Variants in HYKK observed in about 807,000 individuals in gnomAD.
HYKK encodes the protein 5-hydroxy-L-lysine kinase.
Under a neutral mutation model 29.7 loss-of-function variants are expected in HYKK, and 19 were observed. That is an observed-to-expected ratio of 0.64 (90% CI 0.45 to 0.94). The LOEUF (loss-of-function observed/expected upper bound fraction) is 0.94, where lower values mean the gene tolerates loss of function less well. Among genes scored for constraint, HYKK ranks in the 40% least tolerant of loss-of-function variants. The probability of loss-of-function intolerance (pLI) is 0.00; values close to 1 mark genes in which losing one functional copy is unlikely to be tolerated. For missense variants in HYKK, 390 were observed against 443.4 expected (o/e 0.88, Z 1.08); for synonymous variants, 152 against 158.1 (o/e 0.96, Z 0.29).
In HYKK at chr15:78,510,747, C is replaced by G. The variant is rs530663840; in HGVS notation, c.-5-2337C>G. Among the ~76,000 whole-genome samples, 276 of 152,228 alleles carry G rather than the reference C, an allele frequency of 1.8e-3. 6 individuals are homozygous for G. The South Asian group carries it at 0.035, about 19-fold the overall frequency. ...AGCCAATTTCTCAGAAGCGCTCTTT[C>G]TTTTTTAGAGGTAAATTTTACATTC... On this transcript the variant is annotated intron_variant, in intron 1 of 4. Transcript: ENST00000388988.
chr15:78,512,684 G>A (rs1019806478), intron 1 of HYKK, among the ~76,000 whole-genome samples: 3 of 151,984 alleles, frequency 2.0e-5, no homozygotes, highest in Admixed American at 6.6e-5. Context: ...TTACAGGCTC[G>A]AGCCACCACG....
chr15:78,519,327 CA>C (rs770272889), intron 3 of HYKK, among the ~76,000 whole-genome samples: 43 of 152,316 alleles, frequency 2.8e-4, no homozygotes, highest in Non-Finnish European at 5.1e-4. Flanking sequence ...AAATAGTTTT[CA>C]AGTAAGTTTG....
intron 3 of HYKK, among the ~76,000 whole-genome samples, chr15:78,517,059 C>T (rs2052141587): frequency 7.7e-6 from 1 of 130,356 alleles, no homozygotes. Context: ...CATTGCTCCA[C>T]TTCTTGCTTG....
At chr15:78,524,073 C>T (rs1030842635) in intron 3 of HYKK, among the ~76,000 whole-genome samples, 2 of 152,240 alleles carry the variant, frequency 1.3e-5, no homozygotes, top group African/African-American at 2.4e-5. Context: ...CTCACAGCTT[C>T]ACTAGGCAGT....
intron 1 of HYKK, among the ~76,000 whole-genome samples, chr15:78,509,288 G>A (rs1464364998): frequency 1.3e-5 from 2 of 152,230 alleles, no homozygotes; most frequent in Non-Finnish European, 2.9e-5. Context: ...CTCTGTTTTA[G>A]AGGAGACATG....
chr15:78,514,330 C>T (rs1386883104), intron 2 of HYKK, among the ~76,000 whole-genome samples: 1 of 152,156 alleles, frequency 6.6e-6, no homozygotes, highest in East Asian at 1.9e-4. Context: ...CCTCTAAATA[C>T]TAAAATGCTG....
At chr15:78,508,159 C>G (rs960670680) in intron 1 of HYKK, among the ~76,000 whole-genome samples, 1 of 152,190 alleles carries the variant, frequency 6.6e-6, no homozygotes, top group African/African-American at 2.4e-5. Flanking sequence ...GCACTGTTGT[C>G]TTTGAAAAAC....
At chr15:78,529,493 A>G (rs2052289996) in intron 4 of HYKK, among the ~76,000 whole-genome samples, 1 of 152,220 alleles carries the variant, frequency 6.6e-6, no homozygotes, top group African/African-American at 2.4e-5. Flanking sequence ...AAGTGGTTCT[A>G]TGAATTTATA....
downstream of HYKK, chr15:78,537,324 A>G (rs1447821564): frequency 1.5e-6 from 1 of 665,058 alleles, no homozygotes; most frequent in African/African-American, 1.8e-5. Context: ...CCAGGCCCCT[A>G]GAAGACCCAG....
intron 3 of HYKK, among the ~76,000 whole-genome samples, chr15:78,525,521 A>G (rs1264855509): frequency 7.5e-6 from 1 of 133,912 alleles, no homozygotes; most frequent in Admixed American, 7.6e-5. Context: ...TTTTTGAGAC[A>G]GAGTCTCACT....
rs548885021 is a variant in HYKK, at chr15:78,521,487, C to T, written c.478-5893C>T. Reference sequence around the variant, plus strand: ...GGTTTGCCATTACTTTTAATTGCAACACTGCAATTACTTTTGCACCAACCT... The same window carrying T: ...GGTTTGCCATTACTTTTAATTGCAATACTGCAATTACTTTTGCACCAACCT... On this transcript the variant is annotated intron_variant, in intron 3 of 4. Transcript: ENST00000388988. Among the ~76,000 whole-genome samples the T allele has an allele frequency of 2.0e-5, 3 of 151,800 alleles. No homozygotes were observed. In the South Asian group the frequency reaches 6.3e-4, roughly 32 times the overall value.
intron 2 of HYKK, 133 bp downstream of exon 2, chr15:78,513,558 A>C: frequency 1.5e-6 from 1 of 663,414 alleles, no homozygotes; most frequent in Middle Eastern, 4.1e-4. Context: ...TTAGCACCTC[A>C]ATAGTACACC....
At chr15:78,522,029 G>C (rs1319627522) in intron 3 of HYKK, among the ~76,000 whole-genome samples, 4 of 149,420 alleles carry the variant, frequency 2.7e-5, no homozygotes, top group African/African-American at 9.9e-5. Context: ...ATGTTGCCCA[G>C]GGTAGTCTGA....
At chr15:78,525,631 G>A (rs1340307242) in intron 3 of HYKK, among the ~76,000 whole-genome samples, 1 of 151,952 alleles carries the variant, frequency 6.6e-6, no homozygotes, top group Non-Finnish European at 1.5e-5. Flanking sequence ...CCAAGTAGTT[G>A]GGACTACAGG....
intron 3 of HYKK, among the ~76,000 whole-genome samples, chr15:78,519,708 G>T (rs1319791982): frequency 1.3e-5 from 2 of 152,002 alleles, no homozygotes; most frequent in Non-Finnish European, 2.9e-5. Flanking sequence ...TTGCAGTGAG[G>T]CGAGACCGCA....
In HYKK at chr15:78,507,652, A is replaced by T. The variant is rs2052026313; in HGVS notation, c.-25A>T. 1 of 152,326 alleles carries T rather than the reference A, an allele frequency of 6.6e-6. No homozygotes were observed. The highest frequency in any genetic ancestry group is 1.5e-5 in the Non-Finnish European group (1 of 68,146). 9.4% of individuals were successfully genotyped at this position (152,326 alleles called of 1,614,324 possible). ...TCTGCGGGAAAGCGGGATCCACCCC[A>T]GGACGTCGGGTCGCTGCCGGTGAGC... is the stretch of plus-strand genomic sequence containing the variant. On this transcript the variant is annotated 5_prime_UTR_variant, in exon 1 of 5. Transcript: ENST00000388988.
At position 78,513,265 on chromosome 15, in the gene HYKK, A is replaced by T. The variant is rs1047953509; in HGVS notation, c.177A>T (p.Pro59=). 7 of 1,614,234 alleles carry T rather than the reference A, an allele frequency of 4.3e-6. No homozygotes were observed. The South Asian group carries it at 7.7e-5, about 18-fold the overall frequency. The change falls in exon 2 of 5, where the codon CCA becomes CCT. Residue 59 remains proline (P), a synonymous_variant. Coordinates refer to ENST00000388988, the MANE Select transcript of HYKK (RefSeq NM_001013619.4). ...HVYVSKTKDG[P]TEYVLKISNT... ...ACGTTTCAAAAACCAAAGATGGCCC[A>T]ACTGAATATGTCCTCAAAATAAGCA...
At chr15:78,514,337 G>T (rs1183796533) in intron 2 of HYKK, among the ~76,000 whole-genome samples, 1 of 152,154 alleles carries the variant, frequency 6.6e-6, no homozygotes, top group Non-Finnish European at 1.5e-5. Flanking sequence ...ATACTAAAAT[G>T]CTGAGAATGG....
intron 3 of HYKK, among the ~76,000 whole-genome samples, chr15:78,515,964 C>T (rs1037781584): frequency 6.6e-6 from 1 of 152,094 alleles, no homozygotes. Context: ...TTTAGAAATT[C>T]ATGATATTCT....
Sources: allele counts gnomAD v4.1 joint callset (sites outside exome capture counted in the v4.1 genomes callset), GRCh38; gene constraint gnomAD v4.1.1; transcripts MANE v1.5; gene names NCBI Gene and HGNC (gene_info 2026-07-23, HGNC 2026-07-21).